Variants in PAPPA observed in about 807,000 individuals in gnomAD.
PAPPA encodes the protein pappalysin 1, also known as pappalysin-1.
Under a neutral mutation model 164.0 loss-of-function variants are expected in PAPPA, and 60 were observed. That is an observed-to-expected ratio of 0.37 (90% CI 0.30 to 0.45). The LOEUF (loss-of-function observed/expected upper bound fraction) is 0.45. Among genes scored for constraint, PAPPA ranks in the 20% least tolerant of loss-of-function variants. The pLI, the probability that PAPPA is intolerant of heterozygous loss-of-function variation, is 1.00. For synonymous variants in PAPPA, 875 were observed against 814.1 expected (o/e 1.07, Z -1.27); for missense variants, 1,782 against 2,087.3 (o/e 0.85, Z 2.85).
At chr9:116,305,843 G>A (rs926635415) in intron 10 of PAPPA, among the ~76,000 whole-genome samples, 13 of 152,238 alleles carry the variant, frequency 8.5e-5, no homozygotes, top group African/African-American at 3.1e-4. Context: ...TACAAAACAG[G>A]CAGAAAGACT....
At chr9:116,306,329 A>G (rs1564218284) in intron 10 of PAPPA, among the ~76,000 whole-genome samples, 1 of 152,206 alleles carries the variant, frequency 6.6e-6, no homozygotes, top group Non-Finnish European at 1.5e-5. Context: ...ATTGTGCTAT[A>G]TGGCTTGAGA....
At chr9:116,231,785 G>A (rs1844600486) in intron 6 of PAPPA, among the ~76,000 whole-genome samples, 1 of 1,044 alleles carries the variant, frequency 9.6e-4, no homozygotes, top group Non-Finnish European at 3.5e-3. Flanking sequence ...TTTTGAGATG[G>A]AGTTTCACTA....
intron 9 of PAPPA, among the ~76,000 whole-genome samples, chr9:116,275,904 A>T (rs1845191887): frequency 6.6e-6 from 1 of 152,098 alleles, no homozygotes; most frequent in South Asian, 2.1e-4. Context: ...CACCCTGGGG[A>T]CTTCCCGTTC....
chr9:116,387,666 T>C (rs1316926911), intron 21 of PAPPA, among the ~76,000 whole-genome samples: 3 of 152,250 alleles, frequency 2.0e-5, no homozygotes, highest in Non-Finnish European at 4.4e-5. Context: ...TGAGCCGCCA[T>C]GGACGGCCCT....
At chr9:116,228,661 G>C (rs1844547224) in intron 6 of PAPPA, among the ~76,000 whole-genome samples, 1 of 152,248 alleles carries the variant, frequency 6.6e-6, no homozygotes, top group South Asian at 2.1e-4. Context: ...TAAAGCAAGA[G>C]GGATGTCTGG....
intron 2 of PAPPA, among the ~76,000 whole-genome samples, chr9:116,189,738 C>T (rs1844019406): frequency 6.6e-6 from 1 of 152,208 alleles, no homozygotes; most frequent in Non-Finnish European, 1.5e-5. Context: ...ACACACAGGA[C>T]CCTGGACTTG....
rs1024709696 is a variant in PAPPA, at chr9:116,345,389, T to C, written c.3780+678T>C. Among the ~76,000 whole-genome samples, 6 of 148,622 alleles carry C rather than the reference T, an allele frequency of 4.0e-5. No individual in the cohort carries two copies. In the East Asian group the frequency reaches 5.9e-4, roughly 15 times the overall value. ...GTGTGTTGGGGAGAAGGAAGAAATA[T>C]ATGTAGTAGGCACAGGCATGGATAG... On this transcript the variant is annotated intron_variant, in intron 14 of 21. Transcript: ENST00000328252.
At chr9:116,364,402 C>A (rs1456054566) in intron 18 of PAPPA, among the ~76,000 whole-genome samples, 1 of 152,162 alleles carries the variant, frequency 6.6e-6, no homozygotes, top group Admixed American at 6.5e-5. Flanking sequence ...TAAACGCATG[C>A]CACATGCTGA....
intron 7 of PAPPA, among the ~76,000 whole-genome samples, chr9:116,235,990 G>C (rs1012043415): frequency 2.6e-5 from 4 of 152,104 alleles, no homozygotes; most frequent in Non-Finnish European, 5.9e-5. Flanking sequence ...ACTGAAGTTT[G>C]CTAATGATTT....
intron 17 of PAPPA, 23 bp downstream of exon 17, chr9:116,353,816 T>C (rs1180611256): frequency 6.3e-7 from 1 of 1,589,922 alleles, no homozygotes; most frequent in Non-Finnish European, 8.6e-7. Flanking sequence ...GAACTTGAGA[T>C]TGATACCATG....
chr9:116,275,497 CAG>C (rs765103817), intron 9 of PAPPA, among the ~76,000 whole-genome samples: 1 of 152,160 alleles, frequency 6.6e-6, no homozygotes, highest in Admixed American at 6.5e-5. Flanking sequence ...ACACAGCACA[CAG>C]AGGTATGATC....
chr9:116,286,021 A>C (rs1209186104), intron 9 of PAPPA: 1 of 151,994 alleles, frequency 6.6e-6, no homozygotes, highest in Non-Finnish European at 1.5e-5. Context: ...CTTGTATCCA[A>C]ATCCTAGTTC....
At chr9:116,382,993 T>TTTTATTATCTGTATTATCTGTAATTATTA (rs1846752699) in intron 21 of PAPPA, among the ~76,000 whole-genome samples, 1 of 152,202 alleles carries the variant, frequency 6.6e-6, no homozygotes, top group Non-Finnish European at 1.5e-5. Context: ...AATGAGGTCA[T>TTTTATTATCTGTATTATCTGTAATTATTA]TTACAGTCTT....
At chr9:116,270,149 C>A (rs374879435) in intron 8 of PAPPA, among the ~76,000 whole-genome samples, 77 of 152,332 alleles carry the variant, frequency 5.1e-4, no homozygotes, top group African/African-American at 1.8e-3. Context: ...GACCTCCCAA[C>A]GCAAAGTGGG....
intron 10 of PAPPA, among the ~76,000 whole-genome samples, chr9:116,311,919 G>A (rs1845722726): frequency 6.6e-6 from 1 of 152,188 alleles, no homozygotes; most frequent in Admixed American, 6.5e-5. Context: ...GATTGATCAG[G>A]GAAGGTGCCA....
chr9:116,313,082 C>CAAAAAA (rs59596284), intron 10 of PAPPA, among the ~76,000 whole-genome samples: 2 of 68,466 alleles, frequency 2.9e-5, no homozygotes, highest in Admixed American at 1.6e-4. Context: ...GACTCCATCT[C>CAAAAAA]AAAAAAAAAA....
chr9:116,337,678 C>T (rs983148466), intron 13 of PAPPA, among the ~76,000 whole-genome samples: 43 of 151,714 alleles, frequency 2.8e-4, no homozygotes, highest in African/African-American at 9.9e-4. Flanking sequence ...TTTCTCCCAC[C>T]TCTCCATCTC....
intron 10 of PAPPA, among the ~76,000 whole-genome samples, chr9:116,305,170 C>T (rs1845630291): frequency 6.7e-6 from 1 of 149,898 alleles, no homozygotes; most frequent in African/African-American, 2.4e-5. Flanking sequence ...CACACACACA[C>T]ACACACGGAG....
chr9:116,290,908 T>C (rs1246447730), intron 9 of PAPPA, among the ~76,000 whole-genome samples: 1 of 152,126 alleles, frequency 6.6e-6, no homozygotes, highest in Non-Finnish European at 1.5e-5. Flanking sequence ...TATAGACCTT[T>C]GGGTCCTAGG....
Sources: allele counts gnomAD v4.1 joint callset (sites outside exome capture counted in the v4.1 genomes callset), GRCh38; gene constraint gnomAD v4.1.1; transcripts MANE v1.5; gene names NCBI Gene and HGNC (gene_info 2026-07-23, HGNC 2026-07-21).